GPHN: variants seen among roughly 807,000 people sequenced by gnomAD.
The protein encoded by GPHN is gephyrin.
Under a neutral mutation model 95.5 loss-of-function variants are expected in GPHN, and 17 were observed. The observed-to-expected ratio is 0.18, with a 90% CI of 0.12 to 0.27. The LOEUF (loss-of-function observed/expected upper bound fraction) is 0.27. Ranked by LOEUF, GPHN falls within the 10% of genes least tolerant of loss-of-function variation. GPHN has a pLI of 1.00. For synonymous variants in GPHN, 320 were observed against 322.5 expected, an observed-to-expected ratio of 0.99 and a Z score of 0.08; for missense variants, 660 against 978.1, an observed-to-expected ratio of 0.67 and a Z score of 4.34.
the GPHN span, chr14:67,727,129 C>G: frequency 6.2e-7 from 1 of 1,614,214 alleles, no homozygotes; most frequent in Middle Eastern, 1.7e-4. Flanking sequence ...GGGGTTTTGC[C>G]TATTGCCACA....
chr14:66,835,807 CAGAG>C (rs977778443), intron 4 of GPHN, among the ~76,000 whole-genome samples: 2 of 152,188 alleles, frequency 1.3e-5, no homozygotes, highest in Non-Finnish European at 2.9e-5. Context: ...CAACAACAGA[CAGAG>C]AGCCAAATCG....
chr14:67,291,893 TA>T, the GPHN span, among the ~76,000 whole-genome samples: 1 of 152,200 alleles, frequency 6.6e-6, no homozygotes, highest in Admixed American at 6.5e-5. Context: ...TTTGACTTTT[TA>T]AAAAATGTCA....
intron 1 of GPHN, among the ~76,000 whole-genome samples, chr14:66,646,214 C>G (rs2064735553): frequency 6.6e-6 from 1 of 152,106 alleles, no homozygotes; most frequent in African/African-American, 2.4e-5. Context: ...CTCAACATCT[C>G]TAATCATTAG....
chr14:67,581,093 A>C, the GPHN span: 4 of 1,097,904 alleles, frequency 3.6e-6, no homozygotes, highest in Non-Finnish European at 5.6e-6. Context: ...ACTGGGTGCC[A>C]GCTCATCGCC....
At chr14:66,976,412 A>G (rs1381057475) in intron 9 of GPHN, among the ~76,000 whole-genome samples, 1 of 152,196 alleles carries the variant, frequency 6.6e-6, no homozygotes, top group Non-Finnish European at 1.5e-5. Context: ...CCGTCCTATC[A>G]TTATTTCAGC....
At chr14:67,594,341 A>C in the GPHN span, among the ~76,000 whole-genome samples, 1 of 152,036 alleles carries the variant, frequency 6.6e-6, no homozygotes. Context: ...AGCATAAGAC[A>C]CTGTCTCTAA....
intron 6 of GPHN, among the ~76,000 whole-genome samples, chr14:66,917,019 A>T (rs1035755716): frequency 6.6e-6 from 1 of 152,232 alleles, no homozygotes; most frequent in African/African-American, 2.4e-5. Flanking sequence ...CACTAAAGCC[A>T]TTACATACAT....
At chr14:67,388,128 C>G in the GPHN span, 2 of 769,236 alleles carry the variant, frequency 2.6e-6, no homozygotes, top group Non-Finnish European at 2.3e-6. Flanking sequence ...AAGCCCTGCT[C>G]GGCTCCCAAA....
At chr14:67,320,532 A>T in the GPHN span, 1 of 776,552 alleles carries the variant, frequency 1.3e-6, no homozygotes, top group Non-Finnish European at 1.9e-6. Flanking sequence ...TTAACCAAAG[A>T]TTTTGACAAT....
intron 9 of GPHN, chr14:66,968,977 TAGTG>T (rs1056412877): frequency 6.6e-6 from 1 of 152,140 alleles, no homozygotes; most frequent in Non-Finnish European, 1.5e-5. Flanking sequence ...TCTCCAGCTA[TAGTG>T]AGAACAAAAT....
rs117727759 is a variant in GPHN at position 66,568,228 on chromosome 14, A to G, written c.64+59637A>G. ...TGAAGCTACAGTAGGAAATAAATAAATGTTCTGTAAATAATCATTCACCAT... is the reference window on the plus strand; with the variant it reads ...TGAAGCTACAGTAGGAAATAAATAAGTGTTCTGTAAATAATCATTCACCAT... On this transcript the variant is annotated intron_variant, in intron 1 of 22. Coordinates refer to ENST00000478722, the MANE Select transcript of GPHN (RefSeq NM_020806.5). 5.7e-3 allele frequency among the ~76,000 whole-genome samples: 867 copies of G among 152,316 alleles called. 8 individuals carry two copies. The highest frequency in any genetic ancestry group is 0.024 in the Middle Eastern group (7 of 294).
the GPHN span, among the ~76,000 whole-genome samples, chr14:67,554,579 T>A: frequency 6.6e-6 from 1 of 152,212 alleles, no homozygotes; most frequent in Non-Finnish European, 1.5e-5. Context: ...GAGAGCGGGA[T>A]GCATGAATTT....
the GPHN span, among the ~76,000 whole-genome samples, chr14:67,732,154 A>G: frequency 1.3e-5 from 2 of 148,424 alleles, no homozygotes; most frequent in South Asian, 2.2e-4. Context: ...AAAAAATTTA[A>G]GGCTGGGTGT....
chr14:67,203,070 C>G, the GPHN span: 2 of 1,605,710 alleles, frequency 1.2e-6, no homozygotes, highest in Non-Finnish European at 1.7e-6. Flanking sequence ...TCATATAACG[C>G]CTTTTCCTGT....
chr14:67,347,483 A>T, the GPHN span: 2 of 1,556,320 alleles, frequency 1.3e-6, no homozygotes, highest in South Asian at 2.4e-5. Flanking sequence ...ACATGGATTC[A>T]TAAACCTTTA....
chr14:66,581,987 C>CA (rs1435770079), intron 1 of GPHN, among the ~76,000 whole-genome samples: 1 of 151,792 alleles, frequency 6.6e-6, no homozygotes, highest in East Asian at 1.9e-4. Context: ...ATCATCCAGA[C>CA]AAAAAATGAT....
At chr14:67,468,714 CA>C in the GPHN span, among the ~76,000 whole-genome samples, 9 of 151,944 alleles carry the variant, frequency 5.9e-5, no homozygotes, top group African/African-American at 2.2e-4. Context: ...GCCAACATGG[CA>C]AAACCCCGTC....
At chr14:67,334,611 A>T in the GPHN span, 1 of 152,562 alleles carries the variant, frequency 6.6e-6, no homozygotes, top group African/African-American at 2.4e-5. Flanking sequence ...TGCATGGCCT[A>T]TTAAGTTGGC....
At chr14:67,081,415 C>T (rs1474530011) in intron 11 of GPHN, among the ~76,000 whole-genome samples, 1 of 151,932 alleles carries the variant, frequency 6.6e-6, no homozygotes, top group East Asian at 1.9e-4. Flanking sequence ...TGAGAATTGT[C>T]TATTCATGTC....
Sources: allele counts gnomAD v4.1 joint callset (sites outside exome capture counted in the v4.1 genomes callset), GRCh38; gene constraint gnomAD v4.1.1; transcripts MANE v1.5; gene names NCBI Gene and HGNC (gene_info 2026-07-23, HGNC 2026-07-21).